Variants in LRRC37A2 observed in about 807,000 individuals in gnomAD.
LRRC37A2 encodes leucine-rich repeat-containing protein 37A2.
A neutral mutation model predicts 68.8 loss-of-function variants in LRRC37A2; 9 were observed. That is an observed-to-expected ratio of 0.13 (90% CI 0.08 to 0.23). LRRC37A2 has a LOEUF of 0.23. LRRC37A2 is among the 10% of genes least tolerant of loss of function. The probability of loss-of-function intolerance (pLI) is 1.00; values close to 1 mark genes in which losing one functional copy is unlikely to be tolerated. For missense variants in LRRC37A2, 168 were observed against 950.4 expected (o/e 0.18, Z 10.82); for synonymous variants, 63 against 367.6 (o/e 0.17, Z 9.48).
chr17:46,927,391 C>T, the LRRC37A2 span, among the ~76,000 whole-genome samples: 2 of 152,150 alleles, frequency 1.3e-5, no homozygotes, highest in African/African-American at 4.8e-5. Context: ...ATGTATCCAT[C>T]TTTTTCTTTG....
At chr17:46,545,776 A>C (rs1361023187) in intron 8 of LRRC37A2, among the ~76,000 whole-genome samples, 1 of 146,918 alleles carries the variant, frequency 6.8e-6, no homozygotes, top group East Asian at 2.0e-4. Context: ...CAAATTGTCC[A>C]GATTTGACCA....
At chr17:46,776,337 T>TG in the LRRC37A2 span, among the ~76,000 whole-genome samples, 1 of 152,212 alleles carries the variant, frequency 6.6e-6, no homozygotes, top group African/African-American at 2.4e-5. Flanking sequence ...GCACTGCCCC[T>TG]GCCCTGTTAG....
At chr17:46,911,577 T>G in the LRRC37A2 span, 2 of 152,208 alleles carry the variant, frequency 1.3e-5, no homozygotes, top group African/African-American at 4.8e-5. Context: ...GTCTCAGTGT[T>G]GTTTCTCATC....
chr17:46,741,396 T>C, the LRRC37A2 span, among the ~76,000 whole-genome samples: 1 of 152,224 alleles, frequency 6.6e-6, no homozygotes. Context: ...ATATTCAGTC[T>C]GTATCATGAA....
chr17:46,872,360 G>C, the LRRC37A2 span, among the ~76,000 whole-genome samples: 1 of 152,206 alleles, frequency 6.6e-6, no homozygotes, highest in African/African-American at 2.4e-5. Context: ...CATGAACCTT[G>C]GTTTCCTAAT....
At chr17:46,936,272 G>C in the LRRC37A2 span, 22,576 of 985,232 alleles carry the variant, frequency 0.023, 783 homozygotes, top group African/African-American at 0.15. Context: ...AAACAGTAGA[G>C]GCCTTTTAGG....
the LRRC37A2 span, among the ~76,000 whole-genome samples, chr17:47,022,168 C>CTCTTTTTTTT: frequency 5.1e-5 from 1 of 19,714 alleles, no homozygotes; most frequent in African/African-American, 9.7e-5. Flanking sequence ...TTTTTGTTCT[C>CTCTTTTTTTT]TTTTTTTTTT....
chr17:46,905,141 G>A, the LRRC37A2 span, among the ~76,000 whole-genome samples: 1 of 151,328 alleles, frequency 6.6e-6, no homozygotes, highest in Non-Finnish European at 1.5e-5. Flanking sequence ...GCTCCATCTC[G>A]GCTCACTGCA....
At chr17:47,023,160 T>C in the LRRC37A2 span, among the ~76,000 whole-genome samples, 1 of 152,260 alleles carries the variant, frequency 6.6e-6, no homozygotes, top group Non-Finnish European at 1.5e-5. Flanking sequence ...TTAAATATCT[T>C]TATACGTTTG....
At chr17:46,385,178 A>G in the LRRC37A2 span, among the ~76,000 whole-genome samples, 20 of 103,610 alleles carry the variant, frequency 1.9e-4, no homozygotes, top group Admixed American at 1.9e-3. Flanking sequence ...CTAGAGAATA[A>G]TATTGATATA....
At chr17:46,767,665 C>G in the LRRC37A2 span, among the ~76,000 whole-genome samples, 7 of 152,218 alleles carry the variant, frequency 4.6e-5, no homozygotes, top group African/African-American at 1.4e-4. Context: ...CCAAATAATG[C>G]TCAAGAATGA....
chr17:46,901,841 C>CT, the LRRC37A2 span, among the ~76,000 whole-genome samples: 1 of 142,144 alleles, frequency 7.0e-6, no homozygotes, highest in Admixed American at 7.2e-5. Context: ...GAGTCTCACT[C>CT]TGTCACCCAG....
chr17:46,901,803 A>ATTTTTTTTTTTTT, the LRRC37A2 span, among the ~76,000 whole-genome samples: 2 of 128,210 alleles, frequency 1.6e-5, no homozygotes, highest in African/African-American at 3.3e-5. Flanking sequence ...TGGAGCAAGA[A>ATTTTTTTTTTTTT]TTTTTTTTTT....
the LRRC37A2 span, among the ~76,000 whole-genome samples, chr17:47,013,545 A>G: frequency 1.3e-5 from 2 of 152,280 alleles, no homozygotes; most frequent in African/African-American, 4.8e-5. Flanking sequence ...AATCAGCCAC[A>G]TTCCCTAGAG....
At chr17:46,941,248 C>G in the LRRC37A2 span, 1 of 992,062 alleles carries the variant, frequency 1.0e-6, no homozygotes, top group Non-Finnish European at 1.2e-6. Flanking sequence ...CTGCGGAGTT[C>G]TGTACACCCT....
the LRRC37A2 span, chr17:46,876,937 G>C: frequency 2.2e-5 from 29 of 1,328,496 alleles, no homozygotes; most frequent in Non-Finnish European, 2.6e-5. Flanking sequence ...CTTAACCCAA[G>C]CATCCCCAAC....
chr17:46,754,643 G>A, the LRRC37A2 span, among the ~76,000 whole-genome samples: 5 of 152,178 alleles, frequency 3.3e-5, no homozygotes, highest in Admixed American at 1.3e-4. Context: ...AAAACCAGTC[G>A]AGATAGCTAA....
At chr17:46,779,057 A>ACT in the LRRC37A2 span, among the ~76,000 whole-genome samples, 1 of 80,390 alleles carries the variant, frequency 1.2e-5, no homozygotes, top group Admixed American at 1.2e-4. Flanking sequence ...ACCCCATCAC[A>ACT]CACACACACA....
the LRRC37A2 span, among the ~76,000 whole-genome samples, chr17:46,710,113 G>A: frequency 6.6e-6 from 1 of 152,146 alleles, no homozygotes; most frequent in African/African-American, 2.4e-5. Flanking sequence ...TGAATTTTGA[G>A]GGATGTGATG....
Sources: gnomAD v4.1 joint callset for allele counts (sites outside exome capture counted in the v4.1 genomes callset) on GRCh38, gnomAD v4.1.1 for gene constraint, MANE v1.5 for transcripts, NCBI Gene and HGNC (gene_info 2026-07-23, HGNC 2026-07-21) for gene names.